GABRB3: variants seen among roughly 807,000 people sequenced by gnomAD.
The protein encoded by GABRB3 is gamma-aminobutyric acid receptor subunit beta-3.
In GABRB3, 14 loss-of-function variants were observed where a neutral mutation model predicts 52.1. The ratio of observed to expected loss-of-function variants is 0.27; its 90% confidence interval spans 0.18 to 0.42. The LOEUF (loss-of-function observed/expected upper bound fraction) is 0.42, where lower values mean the gene tolerates loss of function less well. Among genes scored for constraint, GABRB3 ranks in the 10% least tolerant of loss-of-function variants. The pLI is 1.00. For missense variants in GABRB3, 307 were observed against 609.1 expected, an observed-to-expected ratio of 0.50 and a Z score of 5.22; for synonymous variants, 260 against 232.3, an observed-to-expected ratio of 1.12 and a Z score of -1.08.
At chr15:26,582,174 C>T (rs1890813538) in intron 5 of GABRB3, among the ~76,000 whole-genome samples, 1 of 152,224 alleles carries the variant, frequency 6.6e-6, no homozygotes, top group Admixed American at 6.5e-5. Flanking sequence ...TACAGCAGAT[C>T]TTCCTGCTCA....
intron 3 of GABRB3, among the ~76,000 whole-genome samples, chr15:26,683,263 A>G (rs994014842): frequency 6.6e-6 from 1 of 152,240 alleles, no homozygotes; most frequent in Non-Finnish European, 1.5e-5. Context: ...GTATTATTAC[A>G]AAATAATAAA....
intron 6 of GABRB3, among the ~76,000 whole-genome samples, chr15:26,579,939 GGGA>G (rs1453148777): frequency 2.0e-5 from 3 of 152,158 alleles, no homozygotes; most frequent in Non-Finnish European, 2.9e-5. Context: ...GCTTACTCTT[GGGA>G]GGAGAACAGC....
chr15:26,624,608 C>T (rs933914236), intron 3 of GABRB3: 1 of 985,310 alleles, frequency 1.0e-6, no homozygotes, highest in African/African-American at 1.7e-5. Flanking sequence ...GCTGAGGTGA[C>T]TTGAGTAGAC....
chr15:26,772,531 A>G (rs1891178673), intron 2 of GABRB3, 62 bp from the exon 3 acceptor site: 15 of 1,550,546 alleles, frequency 9.7e-6, no homozygotes, highest in Non-Finnish European at 1.2e-5. Context: ...GGCGGCTCTG[A>G]GGACTGGGGG....
intron 3 of GABRB3, chr15:26,624,190 C>T (rs1034771548): frequency 4.1e-6 from 4 of 985,258 alleles, no homozygotes; most frequent in Non-Finnish European, 4.8e-6. Context: ...GCATATTCCG[C>T]CCCTTCATCA....
chr15:26,606,251 G>C (rs915798563), intron 4 of GABRB3, among the ~76,000 whole-genome samples: 1 of 152,142 alleles, frequency 6.6e-6, no homozygotes, highest in Non-Finnish European at 1.5e-5. Flanking sequence ...GGGGACTATA[G>C]TCAAGGATAA....
At chr15:26,668,853 G>T (rs1887798563) in intron 3 of GABRB3, among the ~76,000 whole-genome samples, 1 of 152,180 alleles carries the variant, frequency 6.6e-6, no homozygotes, top group South Asian at 2.1e-4. Flanking sequence ...GATTTAAGAA[G>T]CATAAACAAA....
intron 3 of GABRB3, among the ~76,000 whole-genome samples, chr15:26,683,140 C>T (rs368864664): frequency 2.7e-4 from 41 of 152,268 alleles, no homozygotes; most frequent in African/African-American, 7.7e-4. Flanking sequence ...TGGCTGCCAA[C>T]GCTGGATGTT....
chr15:26,615,386 G>C, intron 4 of GABRB3: 2 of 985,674 alleles, frequency 2.0e-6, no homozygotes, highest in Non-Finnish European at 2.4e-6. Context: ...CTGGTGCAGG[G>C]ATCTCAGTTC....
At chr15:26,655,980 T>A (rs1887360892) in intron 3 of GABRB3, among the ~76,000 whole-genome samples, 2 of 152,222 alleles carry the variant, frequency 1.3e-5, no homozygotes, top group African/African-American at 2.4e-5. Flanking sequence ...ATATTATGGT[T>A]ATTAAACCTC....
At chr15:26,665,445 C>G (rs1414237758) in intron 3 of GABRB3, among the ~76,000 whole-genome samples, 1 of 152,174 alleles carries the variant, frequency 6.6e-6, no homozygotes. Flanking sequence ...AATTAAAGAA[C>G]CAAGATTTAA....
intron 4 of GABRB3, among the ~76,000 whole-genome samples, chr15:26,605,775 G>A (rs144388515): frequency 1.3e-5 from 2 of 152,032 alleles, no homozygotes; most frequent in Non-Finnish European, 2.9e-5. Flanking sequence ...GTGTAGTGGG[G>A]GTACAGGGAG....
chr15:26,699,840 T>A (rs1336155021), intron 3 of GABRB3, among the ~76,000 whole-genome samples: 2 of 152,004 alleles, frequency 1.3e-5, no homozygotes, highest in East Asian at 3.8e-4. Context: ...TGTGGGCTGC[T>A]TAAATAAGAA....
intron 3 of GABRB3, among the ~76,000 whole-genome samples, chr15:26,725,960 T>C (rs2140145106): frequency 6.6e-6 from 1 of 152,232 alleles, no homozygotes; most frequent in East Asian, 1.9e-4. Context: ...TGCTCATGAG[T>C]CTTGGTCCCA....
rs753554890 is a variant in GABRB3 at position 26,560,918 on chromosome 15, G to A, written c.1080+14C>T. The A allele has an allele frequency of 3.1e-6, 5 of 1,613,290 alleles. No homozygotes were observed. The highest frequency in any genetic ancestry group is 4.2e-6 in the Non-Finnish European group (5 of 1,179,904). ...TGCAGGGACCAGGTGGGGTCAAGGTGGTGGAGAGCCTACCCGGTTGCTTTC... is the reference window on the plus strand; with the variant it reads ...TGCAGGGACCAGGTGGGGTCAAGGTAGTGGAGAGCCTACCCGGTTGCTTTC... On this transcript the variant is annotated intron_variant, in intron 8 of 8. Transcript: ENST00000311550.
intron 3 of GABRB3, among the ~76,000 whole-genome samples, chr15:26,671,834 C>T (rs1887907794): frequency 1.3e-5 from 2 of 152,144 alleles, no homozygotes; most frequent in Admixed American, 1.3e-4. Context: ...GGCTCTGAGC[C>T]TGCTGAGCAG....
intron 6 of GABRB3, among the ~76,000 whole-genome samples, chr15:26,579,106 G>A (rs977017548): frequency 2.6e-5 from 4 of 152,178 alleles, no homozygotes; most frequent in Non-Finnish European, 5.9e-5. Flanking sequence ...GGAGAGGAGG[G>A]AACGTTGCTG....
chr15:26,560,362 T>G (rs1889933936), intron 8 of GABRB3, among the ~76,000 whole-genome samples: 1 of 152,200 alleles, frequency 6.6e-6, no homozygotes, highest in South Asian at 2.1e-4. Context: ...AGTCTTTCAT[T>G]GCCAGCTCCA....
chr15:26,725,255 G>A (rs1049944664), intron 3 of GABRB3, among the ~76,000 whole-genome samples: 1 of 152,132 alleles, frequency 6.6e-6, no homozygotes, highest in Non-Finnish European at 1.5e-5. Flanking sequence ...TTCTGGGAAG[G>A]TACTAAGTAG....
Sources: allele counts gnomAD v4.1 joint callset (sites outside exome capture counted in the v4.1 genomes callset), GRCh38; gene constraint gnomAD v4.1.1; transcripts MANE v1.5; gene names NCBI Gene and HGNC (gene_info 2026-07-23, HGNC 2026-07-21).